Variants in KCNQ3 observed in about 807,000 individuals in gnomAD.
KCNQ3 encodes the protein potassium voltage-gated channel subfamily Q member 3, also known as potassium voltage-gated channel subfamily KQT member 3.
In KCNQ3, 30 loss-of-function variants were observed where a neutral mutation model predicts 92.5. That is an observed-to-expected ratio of 0.32 (90% CI 0.24 to 0.44). The LOEUF is 0.44. Among genes scored for constraint, KCNQ3 ranks in the 20% least tolerant of loss-of-function variants. The probability of loss-of-function intolerance (pLI) is 1.00; values close to 1 mark genes in which losing one functional copy is unlikely to be tolerated. For missense variants in KCNQ3, 913 were observed against 1,140.3 expected (o/e 0.80, Z 2.87); for synonymous variants, 450 against 468.8 (o/e 0.96, Z 0.52).
Position 132,254,998 on chromosome 8 carries a change from C to T in KCNQ3, c.387-68817G>A, listed in dbSNP as rs1815535983. ...ACTTTTTCAGATCTCTAAAAGTTAACCACAATTTGGAACAAGCTGACTGTT... is the reference window on the plus strand; with the variant it reads ...ACTTTTTCAGATCTCTAAAAGTTAATCACAATTTGGAACAAGCTGACTGTT... On this transcript the variant is annotated intron_variant, in intron 1 of 14. Transcript: ENST00000388996. Among the ~76,000 whole-genome samples the T allele has an allele frequency of 3.9e-5, 6 of 152,200 alleles. No individual in the cohort carries two copies. In the South Asian group the frequency reaches 1.2e-3, roughly 32 times the overall value.
At chr8:132,480,100 CCCAAGCGCGCCGCCG>C in intron 1 of KCNQ3, 32 bp downstream of exon 1, 1 of 1,578,704 alleles carries the variant, frequency 6.3e-7, no homozygotes, top group East Asian at 2.3e-5. Context: ...ACCCCAAGTC[CCCAAGCGCGCCGCCG>C]CCGAGGGCGC....
chr8:132,232,382 C>T (rs1814671925), intron 1 of KCNQ3, among the ~76,000 whole-genome samples: 1 of 152,182 alleles, frequency 6.6e-6, no homozygotes, highest in Non-Finnish European at 1.5e-5. Context: ...GATTTACACA[C>T]AGGACTCAAT....
At position 132,168,805 on chromosome 8, in the gene KCNQ3, C is replaced by G. The variant is rs140551086; in HGVS notation, c.1235+1529G>C. ...TTTGCAGAGGAGTTGTGGCTGGGCA[C>G]AGAGAGAGCCCCCTATCTAGTAGCA... On this transcript the variant is annotated intron_variant, in intron 8 of 14. Coordinates refer to ENST00000388996, the MANE Select transcript of KCNQ3 (RefSeq NM_004519.4). 3.6e-5 allele frequency among the ~76,000 whole-genome samples: 5 copies of G among 137,888 alleles called. No individual in the cohort carries two copies. In the East Asian group the frequency reaches 1.1e-3, roughly 30 times the overall value. 90.5% of individuals were successfully genotyped at this position (137,888 alleles called of 152,430 possible). A position where few individuals can be genotyped will look rare whatever the true frequency, so the allele number is the denominator to read the frequency against.
chr8:132,182,784 G>A (rs574574912), intron 3 of KCNQ3, among the ~76,000 whole-genome samples: 4 of 152,246 alleles, frequency 2.6e-5, no homozygotes, highest in Admixed American at 6.5e-5. Flanking sequence ...GAAAAATAGA[G>A]AGGAAAGAAA....
At chr8:132,158,577 G>A (rs1175340781) in intron 9 of KCNQ3, among the ~76,000 whole-genome samples, 1 of 152,180 alleles carries the variant, frequency 6.6e-6, no homozygotes, top group Non-Finnish European at 1.5e-5. Context: ...CCAACAGCTG[G>A]AAGGAGGAGC....
chr8:132,288,139 T>C (rs1190169048), intron 1 of KCNQ3, among the ~76,000 whole-genome samples: 6 of 152,354 alleles, frequency 3.9e-5, no homozygotes, highest in African/African-American at 1.4e-4. Flanking sequence ...TATTTTGTGT[T>C]ACTCCTTTAG....
chr8:132,150,686 A>T (rs913559187), intron 9 of KCNQ3, among the ~76,000 whole-genome samples: 1 of 152,074 alleles, frequency 6.6e-6, no homozygotes, highest in Non-Finnish European at 1.5e-5. Context: ...TTTAATGCAC[A>T]TATGAGAGGG....
At chr8:132,313,724 CCTTTT>C (rs1817663426) in intron 1 of KCNQ3, among the ~76,000 whole-genome samples, 2 of 152,078 alleles carry the variant, frequency 1.3e-5, no homozygotes, top group African/African-American at 2.4e-5. Context: ...TCAATATTAT[CCTTTT>C]GAAAAATATA....
intron 1 of KCNQ3, among the ~76,000 whole-genome samples, chr8:132,334,815 C>T (rs1476498601): frequency 1.3e-5 from 2 of 152,164 alleles, no homozygotes; most frequent in Non-Finnish European, 2.9e-5. Flanking sequence ...GGCTATTTAA[C>T]GGCCCCTCCT....
At chr8:132,447,036 CAACA>C (rs1821696879) in intron 1 of KCNQ3, among the ~76,000 whole-genome samples, 1 of 152,204 alleles carries the variant, frequency 6.6e-6, no homozygotes, top group Non-Finnish European at 1.5e-5. Context: ...TTCAATCCCA[CAACA>C]AACATTTCCT....
At chr8:132,224,529 C>G (rs1014507120) in intron 1 of KCNQ3, among the ~76,000 whole-genome samples, 1 of 152,110 alleles carries the variant, frequency 6.6e-6, no homozygotes. Flanking sequence ...CTGGTGAGAT[C>G]TGACTCACAA....
chr8:132,404,665 T>A (rs1380769378), intron 1 of KCNQ3, among the ~76,000 whole-genome samples: 1 of 152,158 alleles, frequency 6.6e-6, no homozygotes, highest in Non-Finnish European at 1.5e-5. Flanking sequence ...TAAATCCCTT[T>A]ATATGTCTCC....
chr8:132,174,285 G>A lies in KCNQ3; in HGVS notation c.998C>T (p.Ala333Val). 3 of 1,552,084 alleles carry A rather than the reference G, an allele frequency of 1.9e-6. No homozygotes were observed. Among genetic ancestry groups the A allele is most frequent in the Non-Finnish European group, 2.6e-6 (3 of 1,147,236 alleles). The change falls in exon 6 of 15, where the codon GCC becomes GTC. Residue 333 changes from alanine to valine, a missense_variant. Physicochemically the swap from Ala to Val is moderately conservative, Grantham distance 64 (BLOSUM62 0). Coordinates refer to ENST00000388996, the MANE Select transcript of KCNQ3 (RefSeq NM_004519.4). ...TPKTWEGRLI[A>V]ATFSLIGVSF... is the part of the protein sequence containing the mutation. ...GACGCCAATTAAGGAAAAGGTGGCGGCAATCAGACGGCCTTCCCACGTTTT... is the reference window on the plus strand; with the variant it reads ...GACGCCAATTAAGGAAAAGGTGGCGACAATCAGACGGCCTTCCCACGTTTT...
At chr8:132,341,306 C>T (rs900144984) in intron 1 of KCNQ3, among the ~76,000 whole-genome samples, 2 of 152,198 alleles carry the variant, frequency 1.3e-5, no homozygotes, top group African/African-American at 4.8e-5. Context: ...CAATCTGTTT[C>T]AACCTTCAAG....
chr8:132,147,186 A>T (rs888601510), intron 9 of KCNQ3, among the ~76,000 whole-genome samples: 6 of 152,188 alleles, frequency 3.9e-5, no homozygotes, highest in African/African-American at 1.4e-4. Context: ...GTGGAGTAAG[A>T]AGACTAGAAC....
chr8:132,184,444 G>A, intron 2 of KCNQ3, 77 bp from the exon 3 acceptor site: 1 of 1,432,846 alleles, frequency 7.0e-7, no homozygotes, highest in Admixed American at 1.8e-5. Context: ...CTATTCGGAA[G>A]TTCTGAAGAA....
rs572104550 is a variant in KCNQ3 at position 132,389,569 on chromosome 8, A to C, written c.386+90578T>G. On this transcript the variant is annotated intron_variant, in intron 1 of 14. Transcript: ENST00000388996. ...AACTAACAAAGGGCTTGTATCCAGAATCTGTAAGGAAAACACAGGCAACCT... is the reference window on the plus strand; with the variant it reads ...AACTAACAAAGGGCTTGTATCCAGACTCTGTAAGGAAAACACAGGCAACCT... 1.8e-4 allele frequency among the ~76,000 whole-genome samples: 27 copies of C among 152,346 alleles called. No homozygotes were observed. In the South Asian group the frequency reaches 3.5e-3, roughly 20 times the overall value.
At chr8:132,423,244 G>A (rs1821019201) in intron 1 of KCNQ3, among the ~76,000 whole-genome samples, 1 of 152,182 alleles carries the variant, frequency 6.6e-6, no homozygotes, top group African/African-American at 2.4e-5. Context: ...AAGGACCAAA[G>A]GGAACCATTT....
chr8:132,145,718 C>T (rs1825429831), intron 9 of KCNQ3, among the ~76,000 whole-genome samples: 1 of 152,146 alleles, frequency 6.6e-6, no homozygotes, highest in Non-Finnish European at 1.5e-5. Context: ...AGAAATCTGA[C>T]AAGGAGACCA....
Sources: gnomAD v4.1 joint callset for allele counts (sites outside exome capture counted in the v4.1 genomes callset) on GRCh38, gnomAD v4.1.1 for gene constraint, MANE v1.5 for transcripts, NCBI Gene and HGNC (gene_info 2026-07-23, HGNC 2026-07-21) for gene names.